The following MAPKAP1 variants were observed in gnomAD, a reference collection of about 807,000 sequenced individuals.
The protein encoded by MAPKAP1 is target of rapamycin complex 2 subunit MAPKAP1.
In MAPKAP1, 20 loss-of-function variants were observed where a neutral mutation model predicts 65.7. That is an observed-to-expected ratio of 0.30 (90% CI 0.21 to 0.44). The LOEUF is 0.44. Ranked by LOEUF, MAPKAP1 falls within the 20% of genes least tolerant of loss-of-function variation. The pLI, the probability that MAPKAP1 is intolerant of heterozygous loss-of-function variation, is 1.00. For synonymous variants in MAPKAP1, 222 were observed against 244.3 expected, an observed-to-expected ratio of 0.91 and a Z score of 0.85; for missense variants, 423 against 648.0, an observed-to-expected ratio of 0.65 and a Z score of 3.77.
At chr9:125,578,713 T>C (rs1831526409) in intron 5 of MAPKAP1, among the ~76,000 whole-genome samples, 1 of 152,186 alleles carries the variant, frequency 6.6e-6, no homozygotes, top group Admixed American at 6.5e-5. Flanking sequence ...CATGAATCTT[T>C]ATGTGAACTG....
intron 7 of MAPKAP1, among the ~76,000 whole-genome samples, chr9:125,517,633 G>A (rs1829501372): frequency 6.6e-6 from 1 of 152,178 alleles, no homozygotes; most frequent in African/African-American, 2.4e-5. Flanking sequence ...GCCAAGAGGA[G>A]GAAAGGAAAG....
At chr9:125,674,358 C>T (rs1834584189) in intron 1 of MAPKAP1, among the ~76,000 whole-genome samples, 1 of 152,140 alleles carries the variant, frequency 6.6e-6, no homozygotes, top group African/African-American at 2.4e-5. Flanking sequence ...TTAGTAAGTT[C>T]GTGGCACATA....
intron 5 of MAPKAP1, among the ~76,000 whole-genome samples, chr9:125,570,352 A>C (rs1831190361): frequency 6.6e-6 from 1 of 151,766 alleles, no homozygotes; most frequent in African/African-American, 2.4e-5. Flanking sequence ...TAGATCTGCT[A>C]AACGCTTCAT....
chr9:125,510,114 T>G (rs546936432), intron 7 of MAPKAP1, among the ~76,000 whole-genome samples: 1 of 152,304 alleles, frequency 6.6e-6, no homozygotes, highest in African/African-American at 2.4e-5. Flanking sequence ...GGCAGATATA[T>G]TAGCCCCAGT....
At chr9:125,581,736 T>G (rs570299109) in intron 5 of MAPKAP1, among the ~76,000 whole-genome samples, 2 of 152,310 alleles carry the variant, frequency 1.3e-5, no homozygotes, top group African/African-American at 4.8e-5. Context: ...GTTTTTTTCT[T>G]ACATTTTACA....
At chr9:125,567,091 T>C (rs1831080819) in intron 5 of MAPKAP1, among the ~76,000 whole-genome samples, 1 of 152,140 alleles carries the variant, frequency 6.6e-6, no homozygotes. Flanking sequence ...CCATATTGAG[T>C]TCAGCCCAAG....
intron 4 of MAPKAP1, among the ~76,000 whole-genome samples, chr9:125,618,956 A>T (rs1460833237): frequency 6.6e-6 from 1 of 152,048 alleles, no homozygotes; most frequent in Non-Finnish European, 1.5e-5. Context: ...ACATGATAAA[A>T]CCCTATCTCT....
chr9:125,630,830 C>G (rs1221544379), intron 4 of MAPKAP1, among the ~76,000 whole-genome samples: 2 of 152,072 alleles, frequency 1.3e-5, no homozygotes, highest in Non-Finnish European at 2.9e-5. Flanking sequence ...CTATTAGTTC[C>G]AGAGACAGCT....
intron 1 of MAPKAP1, among the ~76,000 whole-genome samples, chr9:125,686,105 A>G (rs1486942813): frequency 6.6e-6 from 1 of 152,166 alleles, no homozygotes; most frequent in Non-Finnish European, 1.5e-5. Context: ...ACACAAGGTC[A>G]GGAGATCGAG....
chr9:125,620,316 T>A (rs1477224126), intron 4 of MAPKAP1, among the ~76,000 whole-genome samples: 1 of 152,126 alleles, frequency 6.6e-6, no homozygotes, highest in Non-Finnish European at 1.5e-5. Flanking sequence ...TTATACAGAT[T>A]CATTTTTTAT....
At chr9:125,527,801 A>C (rs1829816538) in intron 7 of MAPKAP1, among the ~76,000 whole-genome samples, 1 of 152,222 alleles carries the variant, frequency 6.6e-6, no homozygotes, top group African/African-American at 2.4e-5. Context: ...GAAGAGATCC[A>C]CATCATTACG....
intron 4 of MAPKAP1, among the ~76,000 whole-genome samples, chr9:125,634,189 CCTT>C (rs1304698425): frequency 6.6e-6 from 1 of 152,138 alleles, no homozygotes; most frequent in African/African-American, 2.4e-5. Flanking sequence ...AGTGTCACCT[CCTT>C]GAGGAAAATT....
intron 8 of MAPKAP1, among the ~76,000 whole-genome samples, chr9:125,500,559 TAC>T (rs1828945587): frequency 6.6e-6 from 1 of 152,168 alleles, no homozygotes; most frequent in Non-Finnish European, 1.5e-5. Flanking sequence ...TGCTTGTGTG[TAC>T]ACACACCTAT....
At chr9:125,583,880 G>A (rs1044579868) in intron 5 of MAPKAP1, among the ~76,000 whole-genome samples, 3 of 152,100 alleles carry the variant, frequency 2.0e-5, no homozygotes, top group Non-Finnish European at 4.4e-5. Context: ...TGGTTAACAC[G>A]GTGAAACCCC....
chr9:125,575,139 G>C (rs941479422), intron 5 of MAPKAP1, among the ~76,000 whole-genome samples: 30 of 152,162 alleles, frequency 2.0e-4, no homozygotes, highest in African/African-American at 6.8e-4. Context: ...ATTGCTTTAA[G>C]CCAGGAATTC....
chr9:125,588,360 T>G lies in MAPKAP1; in HGVS notation c.499-2633A>C, dbSNP rs531165783. Among the ~76,000 whole-genome samples the G allele has an allele frequency of 6.6e-5, 10 of 152,212 alleles. No individual in the cohort carries two copies. The East Asian group carries it at 1.7e-3, about 26-fold the overall frequency. ...GAACTGTTCAGAACAGGCAAATCCA[T>G]AGAGACAGAAAGTAGATTAGCGGTT... On this transcript the variant is annotated intron_variant, in intron 4 of 11. Coordinates refer to ENST00000265960, the MANE Select transcript of MAPKAP1 (RefSeq NM_001006617.3).
At chr9:125,561,300 G>A (rs1589289086) in intron 5 of MAPKAP1, among the ~76,000 whole-genome samples, 1 of 152,170 alleles carries the variant, frequency 6.6e-6, no homozygotes, top group African/African-American at 2.4e-5. Flanking sequence ...TTGCAAGAGA[G>A]GGAGCCTACT....
chr9:125,670,493 T>C (rs561108256), intron 2 of MAPKAP1, among the ~76,000 whole-genome samples: 1 of 152,328 alleles, frequency 6.6e-6, no homozygotes. Flanking sequence ...GTAACATTAG[T>C]CAAATCTTAA....
intron 6 of MAPKAP1, among the ~76,000 whole-genome samples, chr9:125,549,280 C>T (rs1830517054): frequency 6.6e-6 from 1 of 152,218 alleles, no homozygotes; most frequent in Non-Finnish European, 1.5e-5. Flanking sequence ...AGTCTCTGGT[C>T]CTGACCAGTT....
Sources: allele counts gnomAD v4.1 joint callset (sites outside exome capture counted in the v4.1 genomes callset), GRCh38; gene constraint gnomAD v4.1.1; transcripts MANE v1.5; gene names NCBI Gene and HGNC (gene_info 2026-07-23, HGNC 2026-07-21).